Variants in LHFPL3 observed in about 807,000 individuals in gnomAD.
LHFPL3 encodes the protein LHFPL tetraspan subfamily member 3 protein.
A neutral mutation model predicts 19.3 loss-of-function variants in LHFPL3; 5 were observed. That is an observed-to-expected ratio of 0.26 (90% CI 0.14 to 0.54). The LOEUF is 0.54. Ranked by LOEUF, LHFPL3 falls within the 20% of genes least tolerant of loss-of-function variation. LHFPL3 has a pLI of 0.94. For missense variants in LHFPL3, 249 were observed against 307.4 expected (o/e 0.81, Z 1.42); for synonymous variants, 133 against 126.2 (o/e 1.05, Z -0.36).
chr7:104,542,542 C>A (rs922140932), intron 1 of LHFPL3, among the ~76,000 whole-genome samples: 1 of 152,124 alleles, frequency 6.6e-6, no homozygotes, highest in African/African-American at 2.4e-5. Flanking sequence ...ATACCCAATT[C>A]TATTGCTCTA....
intron 1 of LHFPL3, among the ~76,000 whole-genome samples, chr7:104,600,898 C>T (rs905520692): frequency 1.3e-5 from 2 of 152,168 alleles, no homozygotes; most frequent in African/African-American, 4.8e-5. Flanking sequence ...TTGGACCAGG[C>T]ACTGTGCTGA....
chr7:104,401,806 T>A (rs1376145642), intron 1 of LHFPL3, among the ~76,000 whole-genome samples: 1 of 152,222 alleles, frequency 6.6e-6, no homozygotes, highest in Non-Finnish European at 1.5e-5. Flanking sequence ...TTGCCATTGA[T>A]GTTTGAGCGG....
At chr7:104,720,868 C>T in intron 1 of LHFPL3, among the ~76,000 whole-genome samples, 1 of 152,114 alleles carries the variant, frequency 6.6e-6, no homozygotes, top group East Asian at 1.9e-4. Flanking sequence ...GAATGGCGAT[C>T]ATTAAAAAGT....
At chr7:104,865,019 C>T (rs1385713706) in intron 2 of LHFPL3, among the ~76,000 whole-genome samples, 2 of 151,102 alleles carry the variant, frequency 1.3e-5, no homozygotes, top group African/African-American at 4.8e-5. Flanking sequence ...AGGGTCCTGA[C>T]TGTTAGAAGG....
At chr7:104,836,572 T>C (rs528088188) in intron 2 of LHFPL3, among the ~76,000 whole-genome samples, 3 of 152,326 alleles carry the variant, frequency 2.0e-5, no homozygotes, top group African/African-American at 7.2e-5. Context: ...AAAGCAGTGA[T>C]GGAAGCAAAA....
chr7:104,800,451 T>G (rs1411519962), intron 2 of LHFPL3, among the ~76,000 whole-genome samples: 7 of 152,130 alleles, frequency 4.6e-5, no homozygotes, highest in Non-Finnish European at 2.9e-5. Context: ...TTGCCCACTT[T>G]CCTCTTCCTA....
chr7:104,506,226 A>G (rs1793695342), intron 1 of LHFPL3, among the ~76,000 whole-genome samples: 1 of 152,154 alleles, frequency 6.6e-6, no homozygotes, highest in Admixed American at 6.5e-5. Context: ...CTGATTTTAT[A>G]AGGAAATCCC....
rs538762469 is a variant in LHFPL3, at chr7:104,621,510, G to T, written c.446-115165G>T. On this transcript the variant is annotated intron_variant, in intron 1 of 2. Transcript: ENST00000424859. ...ACAAAGATCACTGAAGAGTGTGCTG[G>T]GTCAGAGGACGCCCAGGAGCTCAGA... is the stretch of plus-strand genomic sequence containing the variant. Among the ~76,000 whole-genome samples, 11 of 152,310 alleles carry T rather than the reference G, an allele frequency of 7.2e-5. No individual in the cohort carries two copies. In the South Asian group the frequency reaches 2.3e-3, roughly 32 times the overall value.
chr7:104,429,516 A>G (rs1420283325), intron 1 of LHFPL3, among the ~76,000 whole-genome samples: 1 of 150,236 alleles, frequency 6.7e-6, no homozygotes, highest in Non-Finnish European at 1.5e-5. Flanking sequence ...GGGTTTTACC[A>G]TGTTGGCCAG....
intron 1 of LHFPL3, among the ~76,000 whole-genome samples, chr7:104,671,449 A>G (rs912625306): frequency 1.3e-5 from 2 of 151,800 alleles, no homozygotes; most frequent in African/African-American, 2.4e-5. Flanking sequence ...GTACAAAAAT[A>G]TCTTCTATGA....
At chr7:104,347,899 A>G (rs1271477480) in intron 1 of LHFPL3, among the ~76,000 whole-genome samples, 1 of 151,570 alleles carries the variant, frequency 6.6e-6, no homozygotes, top group Admixed American at 6.6e-5. Context: ...TTAAAAAAAA[A>G]AAACAAAATA....
chr7:104,568,277 C>A (rs1003657989), intron 1 of LHFPL3, among the ~76,000 whole-genome samples: 1 of 152,190 alleles, frequency 6.6e-6, no homozygotes, highest in African/African-American at 2.4e-5. Context: ...CATAGTTAAG[C>A]TTCTAATGCT....
intron 1 of LHFPL3, among the ~76,000 whole-genome samples, chr7:104,615,229 AGAT>A (rs1791310248): frequency 2.0e-5 from 3 of 152,244 alleles, no homozygotes; most frequent in African/African-American, 7.2e-5. Context: ...AGATTTACAA[AGAT>A]GATTTAGAGA....
chr7:104,734,839 C>G (rs1238447926), intron 1 of LHFPL3, among the ~76,000 whole-genome samples: 3 of 152,282 alleles, frequency 2.0e-5, no homozygotes, highest in South Asian at 2.1e-4. Flanking sequence ...TTTTCCCCAT[C>G]TTTGTGGTTT....
intron 1 of LHFPL3, among the ~76,000 whole-genome samples, chr7:104,660,933 CCTAAGATGGTAAA>C (rs548541045): frequency 6.4e-4 from 97 of 152,326 alleles, no homozygotes; most frequent in African/African-American, 2.3e-3. Flanking sequence ...TCATAGTATA[CCTAAGATGGTAAA>C]CTCAGATGGG....
At chr7:104,786,445 C>T (rs1381522026) in intron 2 of LHFPL3, 1 of 152,158 alleles carries the variant, frequency 6.6e-6, no homozygotes, top group Admixed American at 6.6e-5. Flanking sequence ...AACCCTATAT[C>T]TATTATAATG....
chr7:104,535,247 G>T (rs1488820258), intron 1 of LHFPL3, among the ~76,000 whole-genome samples: 1 of 152,202 alleles, frequency 6.6e-6, no homozygotes, highest in Admixed American at 6.5e-5. Flanking sequence ...GAAAAGGATT[G>T]CTCACATTAT....
intron 1 of LHFPL3, among the ~76,000 whole-genome samples, chr7:104,624,065 C>T (rs1040797835): frequency 1.3e-5 from 2 of 152,240 alleles, no homozygotes; most frequent in East Asian, 1.9e-4. Context: ...AAGAAGAAGA[C>T]GATGTTCCTT....
At chr7:104,864,027 T>C (rs989777538) in intron 2 of LHFPL3, among the ~76,000 whole-genome samples, 1 of 152,224 alleles carries the variant, frequency 6.6e-6, no homozygotes, top group Non-Finnish European at 1.5e-5. Context: ...TAACACTGTA[T>C]AACTGTTAGC....
Sources: allele counts gnomAD v4.1 joint callset (sites outside exome capture counted in the v4.1 genomes callset), GRCh38; gene constraint gnomAD v4.1.1; transcripts MANE v1.5; gene names NCBI Gene and HGNC (gene_info 2026-07-23, HGNC 2026-07-21).